The following KIRREL1 variants were observed in gnomAD, a reference collection of about 807,000 sequenced individuals.
KIRREL1 encodes the protein kin of IRRE-like protein 1.
A neutral mutation model predicts 83.3 loss-of-function variants in KIRREL1; 25 were observed. That is an observed-to-expected ratio of 0.30 (90% CI 0.22 to 0.42). KIRREL1 has a LOEUF of 0.42. Among genes scored for constraint, KIRREL1 ranks in the 10% least tolerant of loss-of-function variants. KIRREL1 has a pLI of 1.00. For missense variants in KIRREL1, 812 were observed against 1,032.3 expected (o/e 0.79, Z 2.92); for synonymous variants, 388 against 410.4 (o/e 0.95, Z 0.66).
At chr1:158,078,814 C>A (rs1029676038) in intron 3 of KIRREL1, among the ~76,000 whole-genome samples, 2 of 152,182 alleles carry the variant, frequency 1.3e-5, no homozygotes, top group Admixed American at 6.5e-5. Context: ...GGAAGCCCTG[C>A]GCCAGCCAGG....
chr1:158,024,351 T>C (rs1251933484), intron 1 of KIRREL1, among the ~76,000 whole-genome samples: 1 of 141,800 alleles, frequency 7.1e-6, no homozygotes, highest in African/African-American at 2.7e-5. Flanking sequence ...CGATCTCTGC[T>C]CACTGCAACC....
intron 1 of KIRREL1, among the ~76,000 whole-genome samples, chr1:158,030,104 ATTAAATGG>A (rs997422269): frequency 9.2e-5 from 14 of 152,144 alleles, no homozygotes; most frequent in African/African-American, 3.4e-4. Flanking sequence ...GCCCAGAGAG[ATTAAATGG>A]TTACCTGAAG....
chr1:158,019,048 T>C (rs1366001418), intron 1 of KIRREL1, among the ~76,000 whole-genome samples: 3 of 151,936 alleles, frequency 2.0e-5, no homozygotes, highest in Non-Finnish European at 4.4e-5. Context: ...TAAATAGAGG[T>C]CCAGAGCCTC....
intron 1 of KIRREL1, 47 bp downstream of exon 1, chr1:157,993,775 C>A: frequency 1.5e-6 from 2 of 1,291,930 alleles, no homozygotes; most frequent in Non-Finnish European, 2.1e-6. Context: ...CCCCCCGGGG[C>A]CGGGGCACTG....
intron 1 of KIRREL1, among the ~76,000 whole-genome samples, chr1:158,017,312 T>C (rs1019883565): frequency 7.2e-5 from 11 of 152,320 alleles, no homozygotes; most frequent in Middle Eastern, 6.8e-3. Flanking sequence ...TTTTCTCTCC[T>C]ACCCTCTTTA....
At chr1:158,078,870 C>T (rs1049381598) in intron 3 of KIRREL1, among the ~76,000 whole-genome samples, 7 of 152,310 alleles carry the variant, frequency 4.6e-5, no homozygotes, top group Admixed American at 6.5e-5. Context: ...TATGGTAACC[C>T]CCGAGGCCAT....
At chr1:158,077,820 G>A (rs920818800) in intron 2 of KIRREL1, among the ~76,000 whole-genome samples, 171 bp from the exon 3 acceptor site, 9 of 152,180 alleles carry the variant, frequency 5.9e-5, no homozygotes, top group African/African-American at 2.2e-4. Context: ...CAGCTGTATG[G>A]CTCCCAGCCT....
rs369810345 is a variant in KIRREL1 at position 158,089,552 on chromosome 1, C to T, written c.1095C>T (p.Asp365=). The T allele has an allele frequency of 2.5e-5, 41 of 1,614,060 alleles. No individual in the cohort carries two copies. The highest frequency in any genetic ancestry group is 1.7e-4 in the Admixed American group (10 of 59,992). ...QLLLKSVTQA[D]AGTYTCRAIV... is the part of the protein sequence containing the mutation. ...TGCTGAAGTCGGTGACTCAGGCAGA[C>T]GCTGGCACCTACACCTGCCGGGCCA... Residue 365 remains aspartate (D), a synonymous_variant, in exon 9 of 15, where the codon GAC becomes GAT. Transcript: ENST00000359209.
At chr1:158,082,015 C>A (rs1661875823) in intron 3 of KIRREL1, among the ~76,000 whole-genome samples, 1 of 152,176 alleles carries the variant, frequency 6.6e-6, no homozygotes, top group Non-Finnish European at 1.5e-5. Flanking sequence ...AGGCCCTGAG[C>A]AGCAGCTCTT....
intron 1 of KIRREL1, 122 bp downstream of exon 1, chr1:157,993,850 ACGAG>A (rs1244972614): frequency 1.8e-6 from 1 of 546,810 alleles, no homozygotes; most frequent in Non-Finnish European, 3.0e-6. Context: ...TCCGGACGCC[ACGAG>A]GCGGGGGCTC....
chr1:158,084,656 A>G, intron 4 of KIRREL1, 77 bp downstream of exon 4: 1 of 1,460,294 alleles, frequency 6.8e-7, no homozygotes, highest in Non-Finnish European at 9.3e-7. Flanking sequence ...GGGTTTCACC[A>G]CAGACTCAGG....
intron 1 of KIRREL1, among the ~76,000 whole-genome samples, chr1:158,007,706 G>C (rs1262403421): frequency 6.6e-6 from 1 of 151,958 alleles, no homozygotes; most frequent in South Asian, 2.1e-4. Flanking sequence ...GGCAGCCTGG[G>C]TTTGCTTGAG....
At chr1:158,017,371 GCTTT>G (rs1472758731) in intron 1 of KIRREL1, among the ~76,000 whole-genome samples, 3 of 151,662 alleles carry the variant, frequency 2.0e-5, no homozygotes, top group Non-Finnish European at 4.4e-5. Flanking sequence ...ATTTTCAAGG[GCTTT>G]CTCTCTTTTT....
chr1:158,069,103 C>T (rs545971417), intron 1 of KIRREL1, among the ~76,000 whole-genome samples: 131 of 152,246 alleles, frequency 8.6e-4, no homozygotes, highest in Non-Finnish European at 1.5e-3. Context: ...TCTCTGGTTC[C>T]GGGCTGGCCT....
chr1:158,086,824 A>G, intron 5 of KIRREL1, 78 bp downstream of exon 5: 1 of 1,335,570 alleles, frequency 7.5e-7, no homozygotes, highest in Non-Finnish European at 1.0e-6. Context: ...TCTTAGTTTG[A>G]GAAACACAAA....
rs1452216377 is a variant in KIRREL1 at position 158,095,115 on chromosome 1, G to A, written c.2269G>A (p.Val757Met). ...QRFQQRMQTH[V>M] ...ATTCCAGCAGCGCATGCAGACTCACGTGTAGGGGCCAGAGCCTGGCTGGGG... is the reference window on the plus strand; with the variant it reads ...ATTCCAGCAGCGCATGCAGACTCACATGTAGGGGCCAGAGCCTGGCTGGGG... Residue 757 changes from valine to methionine, a missense_variant, in exon 15 of 15, where the codon GTG (valine) becomes ATG (methionine). Val to Met is a conservative substitution (Grantham distance 21). Coordinates refer to ENST00000359209, the MANE Select transcript of KIRREL1 (RefSeq NM_018240.7). 6.3e-6 allele frequency: 10 copies of A among 1,590,920 alleles called. No homozygotes were observed. Among genetic ancestry groups the A allele is most frequent in the Non-Finnish European group, 7.7e-6 (9 of 1,164,684 alleles).
chr1:158,094,981 C>T lies in KIRREL1; in HGVS notation c.2135C>T (p.Pro712Leu). Residue 712 changes from proline to leucine, a missense_variant, in exon 15 of 15, where the codon CCA (proline) becomes CTA (leucine). Pro to Leu is a moderately conservative substitution (Grantham distance 98, BLOSUM62 -3). Coordinates refer to ENST00000359209, the MANE Select transcript of KIRREL1 (RefSeq NM_018240.7). This position sits in a 1 kb window ranked among gnomAD's most constrained non-coding sequence, Gnocchi z 4.6. The stretch of plus-strand genomic sequence containing the variant: ...TACCGACTGGGCTACCCCCAGGCCC[C>T]ACCCTCTGGCCTGGAGCGGACCCCA... ...PTYRLGYPQA[P>L]PSGLERTPYE... 2 of 1,614,032 alleles carry T rather than the reference C, an allele frequency of 1.2e-6. No homozygotes were observed. The highest frequency in any genetic ancestry group is 1.7e-6 in the Non-Finnish European group (2 of 1,179,950).
chr1:158,045,880 T>C (rs943730538), intron 1 of KIRREL1, among the ~76,000 whole-genome samples: 1 of 152,218 alleles, frequency 6.6e-6, no homozygotes, highest in African/African-American at 2.4e-5. Flanking sequence ...GACATTCTTA[T>C]CACTTGGGAA....
At chr1:158,073,453 A>G (rs12030602) in intron 1 of KIRREL1, among the ~76,000 whole-genome samples, 13,938 of 152,282 alleles carry the variant, frequency 0.092, 752 homozygotes, top group East Asian at 0.21. Flanking sequence ...TGTACCACGC[A>G]TAGCATACAC....
Sources: gnomAD v4.1 joint callset for allele counts (sites outside exome capture counted in the v4.1 genomes callset) on GRCh38, gnomAD v4.1.1 for gene constraint, Gnocchi (gnomAD v3.1) non-coding constraint, MANE v1.5 for transcripts, NCBI Gene and HGNC (gene_info 2026-07-23, HGNC 2026-07-21) for gene names.